Variants in COL21A1 observed in about 807,000 individuals in gnomAD.
COL21A1 encodes collagen type XXI alpha 1 chain, also known as collagen alpha-1(XXI) chain.
Under a neutral mutation model 137.9 loss-of-function variants are expected in COL21A1, and 149 were observed. The ratio of observed to expected loss-of-function variants is 1.08; its 90% CI spans 0.95 to 1.24. The LOEUF is 1.24. Among genes scored for constraint, COL21A1 ranks in the 50% most tolerant of loss-of-function variants. The pLI is 0.00. For missense variants in COL21A1, 1,167 were observed against 1,158.4 expected (o/e 1.01, Z -0.11); for synonymous variants, 456 against 391.5 (o/e 1.16, Z -1.95).
At chr6:56,061,064 T>C (rs1362757963) in intron 25 of COL21A1, 27 bp from the exon 26 acceptor site, 3 of 1,561,942 alleles carry the variant, frequency 1.9e-6, no homozygotes, top group East Asian at 4.6e-5. Flanking sequence ...TCTTTACAAG[T>C]TCTATTTAAA....
chr6:56,273,475 G>C (rs935248384), intron 1 of COL21A1, among the ~76,000 whole-genome samples: 6 of 152,150 alleles, frequency 3.9e-5, no homozygotes, highest in Non-Finnish European at 8.8e-5. Flanking sequence ...TTGATAGACT[G>C]CTAGCTACAT....
At chr6:56,200,462 C>A (rs545176643) in intron 1 of COL21A1, among the ~76,000 whole-genome samples, 1 of 108,468 alleles carries the variant, frequency 9.2e-6, no homozygotes, top group Non-Finnish European at 1.8e-5. Context: ...CCCCTCCCCC[C>A]ACCCCACAAC....
chr6:56,305,322 T>G (rs1484791422), intron 1 of COL21A1, among the ~76,000 whole-genome samples: 2 of 152,168 alleles, frequency 1.3e-5, no homozygotes, highest in Admixed American at 6.5e-5. Flanking sequence ...TGTCTAATGT[T>G]GACAGTGGGG....
At chr6:56,251,257 C>T (rs12665485), upstream of COL21A1, among the ~76,000 whole-genome samples, 38,085 of 152,088 alleles carry the variant, frequency 0.25, 6,116 homozygotes, top group East Asian at 0.67. Context: ...GCCTAAATGA[C>T]TACTATATTA....
At chr6:56,149,135 A>C (rs1048139397) in intron 10 of COL21A1, among the ~76,000 whole-genome samples, 2 of 152,226 alleles carry the variant, frequency 1.3e-5, no homozygotes, top group Non-Finnish European at 2.9e-5. Flanking sequence ...TTCACTGTAA[A>C]TAGCTCATTT....
At chr6:56,096,614 T>C (rs566626508) in intron 17 of COL21A1, among the ~76,000 whole-genome samples, 2 of 152,280 alleles carry the variant, frequency 1.3e-5, no homozygotes, top group Admixed American at 6.5e-5. Flanking sequence ...ATATAATCAT[T>C]TCCTAATAAA....
chr6:56,178,496 A>T (rs1467230724), intron 3 of COL21A1, among the ~76,000 whole-genome samples: 1 of 152,164 alleles, frequency 6.6e-6, no homozygotes, highest in Admixed American at 6.5e-5. Context: ...GGAATTAATG[A>T]TATAATTTGT....
intron 1 of COL21A1, among the ~76,000 whole-genome samples, chr6:56,190,302 A>G (rs1394902770): frequency 1.3e-5 from 2 of 152,260 alleles, no homozygotes; most frequent in African/African-American, 2.4e-5. Flanking sequence ...ATCAGAGACT[A>G]CTATAAACAT....
intron 1 of COL21A1, among the ~76,000 whole-genome samples, chr6:56,279,865 C>T (rs1763752796): frequency 6.6e-6 from 1 of 152,182 alleles, no homozygotes; most frequent in South Asian, 2.1e-4. Flanking sequence ...AGACTACCAA[C>T]CTCCTTCAGT....
intron 1 of COL21A1, among the ~76,000 whole-genome samples, chr6:56,235,946 C>T (rs1258270378): frequency 6.6e-6 from 1 of 151,992 alleles, no homozygotes; most frequent in African/African-American, 2.4e-5. Context: ...AATAAAGTGG[C>T]TTAACAGCAA....
chr6:56,331,532 G>C (rs548954349), intron 1 of COL21A1, among the ~76,000 whole-genome samples: 1 of 142,264 alleles, frequency 7.0e-6, no homozygotes, highest in Non-Finnish European at 1.5e-5. Flanking sequence ...TATTGAAAAG[G>C]ATGTCCTTTC....
chr6:56,084,790 C>T (rs540309065), intron 17 of COL21A1, among the ~76,000 whole-genome samples: 18 of 152,026 alleles, frequency 1.2e-4, no homozygotes, highest in Non-Finnish European at 1.9e-4. Context: ...TTAAAGGTTG[C>T]GGCTATCATT....
At chr6:56,327,026 T>C (rs1765110535) in intron 1 of COL21A1, among the ~76,000 whole-genome samples, 1 of 152,052 alleles carries the variant, frequency 6.6e-6, no homozygotes, top group African/African-American at 2.4e-5. Flanking sequence ...CAGAATGGAC[T>C]TTTTCCCTTT....
At chr6:56,246,303 T>A (rs60293075) in intron 1 of COL21A1, among the ~76,000 whole-genome samples, 3,309 of 152,324 alleles carry the variant, frequency 0.022, 124 homozygotes, top group African/African-American at 0.076. Flanking sequence ...TTCCTGTTAT[T>A]ACAGCTGGAA....
At chr6:56,308,754 T>A (rs569481207) in intron 1 of COL21A1, among the ~76,000 whole-genome samples, 38 of 152,162 alleles carry the variant, frequency 2.5e-4, no homozygotes, top group African/African-American at 8.2e-4. Flanking sequence ...ACAAATAAGA[T>A]TTAAAGCTCA....
intron 1 of COL21A1, among the ~76,000 whole-genome samples, chr6:56,311,728 C>T (rs9357908): frequency 0.85 from 128,792 of 152,150 alleles, 57,126 homozygotes; most frequent in South Asian, 0.99. Flanking sequence ...TTCTTGGGAC[C>T]CATTAGGCCC....
At chr6:56,077,641 G>A in intron 17 of COL21A1, 68 bp from the exon 18 acceptor site, 1 of 900,518 alleles carries the variant, frequency 1.1e-6, no homozygotes, top group Non-Finnish European at 1.7e-6. Flanking sequence ...AGAAGAAACA[G>A]TCACAATTGG....
intron 1 of COL21A1, among the ~76,000 whole-genome samples, chr6:56,297,849 A>G (rs1053404706): frequency 6.6e-6 from 1 of 152,082 alleles, no homozygotes; most frequent in Non-Finnish European, 1.5e-5. Context: ...ATTATGTTAC[A>G]GTTAGGGTTT....
At chr6:56,277,325 C>T (rs1335220772) in intron 1 of COL21A1, among the ~76,000 whole-genome samples, 2 of 152,066 alleles carry the variant, frequency 1.3e-5, no homozygotes, top group Non-Finnish European at 2.9e-5. Context: ...CCCCGGTGTG[C>T]GATGTTCCCC....
Sources: allele counts gnomAD v4.1 joint callset (sites outside exome capture counted in the v4.1 genomes callset), GRCh38; gene constraint gnomAD v4.1.1; transcripts MANE v1.5; gene names NCBI Gene and HGNC (gene_info 2026-07-23, HGNC 2026-07-21).